The following CGNL1 variants were observed in gnomAD, a reference collection of about 807,000 sequenced individuals.
CGNL1 encodes cingulin-like protein 1.
A neutral mutation model predicts 141.2 loss-of-function variants in CGNL1; 132 were observed. The observed-to-expected ratio is 0.93, with a 90% CI of 0.81 to 1.08. The LOEUF (loss-of-function observed/expected upper bound fraction) is 1.08, where lower values mean the gene tolerates loss of function less well. Among genes scored for constraint, CGNL1 ranks in the 50% least tolerant of loss-of-function variants. The pLI is 0.00. For missense variants in CGNL1, 1,870 were observed against 1,588.6 expected, an observed-to-expected ratio of 1.18 and a Z score of -3.01; for synonymous variants, 690 against 622.1, an observed-to-expected ratio of 1.11 and a Z score of -1.63.
chr15:57,501,686 T>A (rs1170998785), intron 8 of CGNL1, among the ~76,000 whole-genome samples: 1 of 151,966 alleles, frequency 6.6e-6, no homozygotes, highest in Non-Finnish European at 1.5e-5. Flanking sequence ...AGGGATGGGG[T>A]TGGGGCAAGA....
chr15:57,390,847 G>C (rs1567088930), intron 1 of CGNL1, among the ~76,000 whole-genome samples: 1 of 152,006 alleles, frequency 6.6e-6, no homozygotes, highest in Admixed American at 6.6e-5. Context: ...TAGCCATCAT[G>C]ACCTGACAGG....
rs144137824 is a variant in CGNL1, at chr15:57,457,693, G to A, written c.2190+3875G>A. Among the ~76,000 whole-genome samples the A allele has an allele frequency of 8.5e-5, 13 of 152,240 alleles. No individual in the cohort carries two copies. The East Asian group carries it at 1.4e-3, about 16-fold the overall frequency. On this transcript the variant is annotated intron_variant, in intron 7 of 18. Transcript: ENST00000281282. ...TGAGAGCCAAGTGACAGGGGTTTCC[G>A]CTTATAAAATCATCAGATCTCCTGA...
rs752713123 is a variant in CGNL1, at chr15:57,545,604, T to A, written c.3513T>A (p.Asn1171Lys). Residue 1171 changes from asparagine to lysine, a missense_variant, in exon 17 of 19, where the codon AAT becomes AAA. Asn to Lys is a moderately conservative substitution (Grantham distance 94). Transcript: ENST00000281282. ...TCCCCTCTTCCAGGGATCGGGCCAA[T>A]CTTCAGCTCAGCAACCGGCGGCTGG... Reference protein sequence around the residue: ...RLESEERDRANLQLSNRRLER... With the variant: ...RLESEERDRAKLQLSNRRLER... 5.0e-6 allele frequency: 8 copies of A among 1,613,198 alleles called. No homozygotes were observed. Among genetic ancestry groups the A allele is most frequent in the Admixed American group, 3.3e-5 (2 of 59,978 alleles).
intron 1 of CGNL1, among the ~76,000 whole-genome samples, chr15:57,378,357 CTA>C (rs754601986): frequency 0.081 from 7,552 of 93,340 alleles, 298 homozygotes; most frequent in Middle Eastern, 0.19. Context: ...GGGTGGCCCT[CTA>C]TGTGTTTTTT....
At chr15:57,417,520 C>G (rs150938459) in intron 1 of CGNL1, among the ~76,000 whole-genome samples, 1 of 152,156 alleles carries the variant, frequency 6.6e-6, no homozygotes, top group Admixed American at 6.5e-5. Flanking sequence ...AGGCATGAGC[C>G]ACTGCACCCA....
intron 8 of CGNL1, among the ~76,000 whole-genome samples, chr15:57,466,234 CTTT>C (rs539226407): frequency 3.0e-4 from 45 of 152,252 alleles, no homozygotes; most frequent in African/African-American, 8.2e-4. Context: ...TCATTTTACA[CTTT>C]TTTTAGTTTT....
chr15:57,408,146 G>A (rs1399489420), intron 1 of CGNL1, among the ~76,000 whole-genome samples: 1 of 152,122 alleles, frequency 6.6e-6, no homozygotes, highest in African/African-American at 2.4e-5. Context: ...TCTGTGTTCT[G>A]CTGAAATCTT....
chr15:57,452,040 TA>T, intron 5 of CGNL1, 100 bp from the exon 6 acceptor site: 2 of 998,586 alleles, frequency 2.0e-6, no homozygotes, highest in African/African-American at 1.6e-5. Flanking sequence ...TTTAATAATG[TA>T]AGTGCAAAGA....
intron 14 of CGNL1, among the ~76,000 whole-genome samples, chr15:57,532,911 T>A (rs2032033430): frequency 6.6e-6 from 1 of 152,218 alleles, no homozygotes; most frequent in African/African-American, 2.4e-5. Flanking sequence ...CTTTTTCAAA[T>A]CTTCCCTATT....
intron 8 of CGNL1, among the ~76,000 whole-genome samples, chr15:57,473,163 C>G (rs1008702035): frequency 2.6e-5 from 4 of 152,036 alleles, no homozygotes; most frequent in Non-Finnish European, 4.4e-5. Flanking sequence ...GTCACAGCCA[C>G]CATAATATTG....
intron 8 of CGNL1, among the ~76,000 whole-genome samples, chr15:57,463,741 CT>C (rs2063474736): frequency 6.6e-6 from 1 of 152,244 alleles, no homozygotes; most frequent in Admixed American, 6.5e-5. Flanking sequence ...GAAGTCCCTT[CT>C]CTGCCTAACC....
chr15:57,515,728 C>T (rs2030721841), intron 8 of CGNL1, among the ~76,000 whole-genome samples: 1 of 152,148 alleles, frequency 6.6e-6, no homozygotes, highest in South Asian at 2.1e-4. Context: ...TCATTCCTTT[C>T]TGTTGTGGAT....
intron 1 of CGNL1, among the ~76,000 whole-genome samples, chr15:57,379,511 G>T (rs1273973934): frequency 6.6e-6 from 1 of 152,126 alleles, no homozygotes; most frequent in African/African-American, 2.4e-5. Context: ...GGGTGAGGGA[G>T]AGTTAAAGAA....
chr15:57,536,375 A>T (rs1344371093), intron 14 of CGNL1, among the ~76,000 whole-genome samples: 1 of 152,190 alleles, frequency 6.6e-6, no homozygotes, highest in Non-Finnish European at 1.5e-5. Context: ...GGACAATATT[A>T]TTCAGAGTGA....
At chr15:57,473,999 C>T (rs1217341920) in intron 8 of CGNL1, among the ~76,000 whole-genome samples, 1 of 150,338 alleles carries the variant, frequency 6.7e-6, no homozygotes, top group Non-Finnish European at 1.5e-5. Flanking sequence ...CAACCTCTCC[C>T]TCCCGGGTTC....
intron 1 of CGNL1, chr15:57,405,822 CTTTCTTTTTCTTTCTTTTCTTT>C (rs1446241411): frequency 1.6e-5 from 2 of 124,330 alleles, no homozygotes; most frequent in Non-Finnish European, 1.7e-5. Context: ...TTCTTTCTTT[CTTTCTTTTTCTTTCTTTTCTTT>C]TTCTTTCTTT....
At chr15:57,487,700 G>T (rs146794355) in intron 8 of CGNL1, among the ~76,000 whole-genome samples, 2 of 152,298 alleles carry the variant, frequency 1.3e-5, no homozygotes, top group Non-Finnish European at 2.9e-5. Context: ...CTGTTATTGA[G>T]AACTTTGCCT....
chr15:57,530,640 C>T (rs765010792), intron 13 of CGNL1, among the ~76,000 whole-genome samples: 25 of 152,112 alleles, frequency 1.6e-4, no homozygotes, highest in Non-Finnish European at 3.4e-4. Flanking sequence ...CAGGAGGCTT[C>T]GGTGCAGGGC....
intron 1 of CGNL1, among the ~76,000 whole-genome samples, chr15:57,379,239 C>G (rs1567083202): frequency 6.6e-6 from 1 of 152,168 alleles, no homozygotes; most frequent in Admixed American, 6.5e-5. Context: ...TAATAATACA[C>G]TCTACCCCCC....
Sources: gnomAD v4.1 joint callset for allele counts (sites outside exome capture counted in the v4.1 genomes callset) on GRCh38, gnomAD v4.1.1 for gene constraint, MANE v1.5 for transcripts, NCBI Gene and HGNC (gene_info 2026-07-23, HGNC 2026-07-21) for gene names.